Variants in PLD5 observed in about 807,000 individuals in gnomAD.
The protein encoded by PLD5 is inactive phospholipase D5.
In PLD5, 36 loss-of-function variants were observed where a neutral mutation model predicts 61.1. The ratio of observed to expected loss-of-function variants is 0.59; its 90% CI spans 0.45 to 0.78. The LOEUF (loss-of-function observed/expected upper bound fraction) is 0.78, where lower values mean the gene tolerates loss of function less well. Ranked by LOEUF, PLD5 falls within the 30% of genes least tolerant of loss-of-function variation. PLD5 has a pLI of 0.00. For missense variants in PLD5, 515 were observed against 644.4 expected (o/e 0.80, Z 2.17); for synonymous variants, 243 against 242.8 (o/e 1.00, Z -0.01).
At chr1:242,181,660 T>C (rs972801799) in intron 5 of PLD5, among the ~76,000 whole-genome samples, 2 of 150,452 alleles carry the variant, frequency 1.3e-5, no homozygotes, top group African/African-American at 4.9e-5. Flanking sequence ...TTCAATGGTT[T>C]TTTTTTGTTT....
chr1:242,388,136 C>T (rs1055476973), intron 1 of PLD5, among the ~76,000 whole-genome samples: 2 of 152,210 alleles, frequency 1.3e-5, no homozygotes, highest in African/African-American at 4.8e-5. Flanking sequence ...GGGTTGTCGT[C>T]TTCTCCTTCT....
chr1:242,304,979 A>G (rs1047536868), intron 2 of PLD5, among the ~76,000 whole-genome samples: 1 of 152,078 alleles, frequency 6.6e-6, no homozygotes, highest in African/African-American at 2.4e-5. Flanking sequence ...GGTGGAGCAT[A>G]CCTGTAGTCC....
At chr1:242,377,000 T>C (rs1662000795) in intron 1 of PLD5, 1 of 1,611,650 alleles carries the variant, frequency 6.2e-7, no homozygotes, top group Non-Finnish European at 8.5e-7. Flanking sequence ...TTGAGGCAGC[T>C]TCAGTTTCAA....
At chr1:242,146,246 C>T (rs1457472948) in intron 5 of PLD5, among the ~76,000 whole-genome samples, 3 of 152,278 alleles carry the variant, frequency 2.0e-5, no homozygotes, top group African/African-American at 7.2e-5. Flanking sequence ...TTCTTCCTGG[C>T]ATTAAACATT....
chr1:242,407,008 T>G (rs977884423), intron 1 of PLD5, among the ~76,000 whole-genome samples: 3 of 152,132 alleles, frequency 2.0e-5, no homozygotes, highest in Non-Finnish European at 4.4e-5. Context: ...ATTGATATGG[T>G]TTGGCTGTGT....
Position 242,131,980 on chromosome 1 carries a change from C to T in PLD5, c.736-7315G>A, listed in dbSNP as rs186462318. Among the ~76,000 whole-genome samples the T allele has an allele frequency of 1.8e-3, 278 of 151,232 alleles. 3 individuals carry two copies. Among genetic ancestry groups the T allele is most frequent in the Non-Finnish European group, 2.8e-3 (190 of 67,786 alleles). On this transcript the variant is annotated intron_variant, in intron 5 of 9. Coordinates refer to ENST00000536534, the MANE Select transcript of PLD5 (RefSeq NM_001372062.1). ...CTCCCGAGTAGCTGGTACAGGAGCA[C>T]GCCACTATGCCTGGCTAATTTTTTA...
At chr1:242,376,971 T>C in intron 1 of PLD5, 1 of 1,611,608 alleles carries the variant, frequency 6.2e-7, no homozygotes, top group Admixed American at 1.7e-5. Flanking sequence ...GGCCATGCCG[T>C]GTATCCGCAT....
chr1:242,396,777 C>T (rs910407718), intron 1 of PLD5, among the ~76,000 whole-genome samples: 3 of 150,100 alleles, frequency 2.0e-5, no homozygotes, highest in African/African-American at 7.4e-5. Context: ...CACCTGGGTT[C>T]AAGCGATTCT....
chr1:242,357,460 G>A (rs1660814096), intron 1 of PLD5, among the ~76,000 whole-genome samples: 1 of 147,982 alleles, frequency 6.8e-6, no homozygotes, highest in South Asian at 2.2e-4. Context: ...CTAGCTGTTG[G>A]TTTCTTTCCT....
At chr1:242,168,119 T>G (rs1321384421) in intron 5 of PLD5, among the ~76,000 whole-genome samples, 1 of 152,184 alleles carries the variant, frequency 6.6e-6, no homozygotes, top group East Asian at 1.9e-4. Context: ...CTTATAGATG[T>G]TTGTTTATCC....
chr1:242,390,081 C>A (rs1378555274), intron 1 of PLD5, among the ~76,000 whole-genome samples: 14 of 46,206 alleles, frequency 3.0e-4, no homozygotes, highest in African/African-American at 7.8e-4. Context: ...AGTGCAGTGG[C>A]GCCATCTCAC....
In PLD5 at chr1:242,524,205, G is replaced by T; in HGVS notation, c.72C>A (p.Ser24Arg). The change falls in exon 1 of 10, where the codon AGC (serine) becomes AGA (arginine). Residue 24 changes from serine to arginine, a missense_variant. Coordinates refer to ENST00000536534, the MANE Select transcript of PLD5 (RefSeq NM_001372062.1). ...HEGFEQMRLKSRPKEPSPSLT... is the reference protein window; with the variant it reads ...HEGFEQMRLKRRPKEPSPSLT... ...GGCTTGGGGAGGGCTCCTTGGGGCGGCTTTTGAGCCTCATCTGCTCGAAGC... is the reference window on the plus strand; with the variant it reads ...GGCTTGGGGAGGGCTCCTTGGGGCGTCTTTTGAGCCTCATCTGCTCGAAGC... 1 of 1,533,428 alleles carries T rather than the reference G, an allele frequency of 6.5e-7. No individual in the cohort carries two copies. Among genetic ancestry groups the T allele is most frequent in the Non-Finnish European group, 8.7e-7 (1 of 1,145,636 alleles). 95.0% of individuals were successfully genotyped at this position (1,533,428 alleles called of 1,614,324 possible).
At chr1:242,153,613 C>T (rs553098970) in intron 5 of PLD5, among the ~76,000 whole-genome samples, 3 of 152,076 alleles carry the variant, frequency 2.0e-5, no homozygotes, top group Non-Finnish European at 4.4e-5. Context: ...ATAGGGAATC[C>T]TTTCCCCATT....
At chr1:242,108,800 C>G (rs564337198) in intron 7 of PLD5, among the ~76,000 whole-genome samples, 7 of 152,290 alleles carry the variant, frequency 4.6e-5, no homozygotes, top group African/African-American at 1.7e-4. Flanking sequence ...GTGTCATGAT[C>G]ATTGCACCTC....
intron 1 of PLD5, among the ~76,000 whole-genome samples, chr1:242,350,432 C>T (rs1315240841): frequency 8.6e-5 from 6 of 69,506 alleles, no homozygotes; most frequent in East Asian, 4.1e-4. Flanking sequence ...TGTATACACA[C>T]GTACACACAC....
At chr1:242,196,612 T>C (rs1468598909) in intron 5 of PLD5, among the ~76,000 whole-genome samples, 1 of 152,214 alleles carries the variant, frequency 6.6e-6, no homozygotes, top group Non-Finnish European at 1.5e-5. Flanking sequence ...ATATACTAAA[T>C]GCTTCTGCTA....
Position 242,089,647 on chromosome 1 carries a change from T to C in PLD5, c.*207A>G. 1.6e-6 allele frequency: 1 copy of C among 613,730 alleles called. No homozygotes were observed. The highest frequency in any genetic ancestry group is 2.7e-6 in the Non-Finnish European group (1 of 368,170). 38.0% of individuals were successfully genotyped at this position (613,730 alleles called of 1,614,324 possible). A position where few individuals can be genotyped will look rare whatever the true frequency, so the allele number is the denominator to read the frequency against. ...TTCTACGCCAGAATGACATTCTCTG[T>C]CAGAGGTAACAAATACAAAAGTCTT... is the stretch of plus-strand genomic sequence containing the variant. On this transcript the variant is annotated 3_prime_UTR_variant, in exon 10 of 10. Transcript: ENST00000536534.
intron 8 of PLD5, among the ~76,000 whole-genome samples, chr1:242,101,466 A>G (rs892930): frequency 0.99 from 151,500 of 152,292 alleles, 75,358 homozygotes; most frequent in East Asian, 1. Flanking sequence ...GGGGTCTGTG[A>G]AATTGGCTAA....
chr1:242,117,381 C>T (rs542284646), intron 6 of PLD5, among the ~76,000 whole-genome samples: 1 of 90,588 alleles, frequency 1.1e-5, no homozygotes, highest in Non-Finnish European at 2.2e-5. Context: ...TGATCTCCTC[C>T]ATGAATTTTT....
Sources: gnomAD v4.1 joint callset for allele counts (sites outside exome capture counted in the v4.1 genomes callset) on GRCh38, gnomAD v4.1.1 for gene constraint, MANE v1.5 for transcripts, NCBI Gene and HGNC (gene_info 2026-07-23, HGNC 2026-07-21) for gene names.